DAB1: variants seen among roughly 807,000 people sequenced by gnomAD.
DAB1 encodes the protein disabled homolog 1.
DAB1 carries 15 observed loss-of-function variants against 64.6 expected under a neutral mutation model. That is an observed-to-expected ratio of 0.23 (90% confidence interval 0.16 to 0.36). The LOEUF is 0.36. Among genes scored for constraint, DAB1 ranks in the 10% least tolerant of loss-of-function variants. The probability of loss-of-function intolerance (pLI) is 1.00; values close to 1 mark genes in which losing one functional copy is unlikely to be tolerated. For synonymous variants in DAB1, 235 were observed against 251.9 expected, an observed-to-expected ratio of 0.93 and a Z score of 0.64; for missense variants, 596 against 706.7, an observed-to-expected ratio of 0.84 and a Z score of 1.78.
chr1:58,362,686 A>T (rs188635368), intron 3 of DAB1, among the ~76,000 whole-genome samples: 1 of 152,224 alleles, frequency 6.6e-6, no homozygotes, highest in Non-Finnish European at 1.5e-5. Flanking sequence ...AATGCATTCC[A>T]TCAGTGACAT....
intron 6 of DAB1, among the ~76,000 whole-genome samples, chr1:57,720,262 T>A (rs1443781274): frequency 6.6e-6 from 1 of 152,192 alleles, no homozygotes; most frequent in South Asian, 2.1e-4. Context: ...CATAATCCCA[T>A]TCCCTACTCA....
chr1:57,255,025 A>C (rs1054707226), intron 2 of DAB1, among the ~76,000 whole-genome samples: 18 of 152,162 alleles, frequency 1.2e-4, no homozygotes, highest in Non-Finnish European at 4.4e-5. Context: ...TTTAGTGTTG[A>C]ATCCCCAACA....
intron 9 of DAB1, among the ~76,000 whole-genome samples, chr1:57,059,197 C>T (rs1210216633): frequency 6.6e-6 from 1 of 152,150 alleles, no homozygotes; most frequent in African/African-American, 2.4e-5. Context: ...CTCCTTCAAT[C>T]CTCCAAACAA....
At chr1:57,482,864 T>C (rs1302169784) in intron 7 of DAB1, among the ~76,000 whole-genome samples, 1 of 152,212 alleles carries the variant, frequency 6.6e-6, no homozygotes, top group African/African-American at 2.4e-5. Flanking sequence ...TGCTCACGTT[T>C]ACAGTCTTTC....
At chr1:57,333,293 A>G (rs955989334) in intron 1 of DAB1, among the ~76,000 whole-genome samples, 4 of 152,242 alleles carry the variant, frequency 2.6e-5, no homozygotes, top group Non-Finnish European at 5.9e-5. Flanking sequence ...CTTCACACCT[A>G]GGTTCAAATC....
At chr1:57,252,523 TA>T (rs1426527247) in intron 2 of DAB1, among the ~76,000 whole-genome samples, 3 of 152,138 alleles carry the variant, frequency 2.0e-5, no homozygotes, top group Non-Finnish European at 4.4e-5. Context: ...ATTGTCCTCT[TA>T]AAAAAAGGTT....
chr1:57,182,490 G>A (rs1319336656), intron 2 of DAB1, among the ~76,000 whole-genome samples: 2 of 152,298 alleles, frequency 1.3e-5, no homozygotes, highest in Non-Finnish European at 1.5e-5. Flanking sequence ...GTATCACAAG[G>A]CCCCTTACTG....
chr1:58,455,506 C>T (rs1448549265), intron 3 of DAB1, among the ~76,000 whole-genome samples: 2 of 152,168 alleles, frequency 1.3e-5, no homozygotes, highest in African/African-American at 4.8e-5. Flanking sequence ...GATCAGGAGG[C>T]GGAGAGAGGG....
intron 6 of DAB1, among the ~76,000 whole-genome samples, chr1:57,768,175 T>TAAAAA (rs11413691): frequency 2.1e-5 from 2 of 96,790 alleles, no homozygotes; most frequent in African/African-American, 4.1e-5. Flanking sequence ...AGAATCTGTC[T>TAAAAA]AAAAAAAAAA....
intron 5 of DAB1, among the ~76,000 whole-genome samples, chr1:58,037,603 A>G (rs1056691052): frequency 6.6e-6 from 1 of 152,166 alleles, no homozygotes; most frequent in Non-Finnish European, 1.5e-5. Flanking sequence ...CTGAGGTGGA[A>G]CAGTTTCATC....
intron 4 of DAB1, among the ~76,000 whole-genome samples, chr1:58,299,498 C>G (rs1443754061): frequency 6.6e-6 from 1 of 152,108 alleles, no homozygotes; most frequent in Non-Finnish European, 1.5e-5. Context: ...AGCATAGGTG[C>G]AGAGGTGCAT....
chr1:58,066,536 C>G (rs950268150), intron 5 of DAB1, among the ~76,000 whole-genome samples: 6 of 152,142 alleles, frequency 3.9e-5, no homozygotes, highest in African/African-American at 1.4e-4. Flanking sequence ...TATATTAATT[C>G]TCATAATCTC....
At chr1:57,844,668 G>T (rs12063361) in intron 1 of DAB1, among the ~76,000 whole-genome samples, 2,697 of 152,234 alleles carry the variant, frequency 0.018, 94 homozygotes, top group African/African-American at 0.063. Context: ...AGCTTCATGG[G>T]GCTCCATTGC....
chr1:57,518,174 T>C (rs528980437), intron 7 of DAB1, among the ~76,000 whole-genome samples: 1 of 151,346 alleles, frequency 6.6e-6, no homozygotes, highest in African/African-American at 2.5e-5. Flanking sequence ...GTGCTAAACT[T>C]AATTGTCGTT....
intron 2 of DAB1, among the ~76,000 whole-genome samples, chr1:57,241,950 T>C (rs1449743912): frequency 6.6e-6 from 1 of 152,214 alleles, no homozygotes; most frequent in African/African-American, 2.4e-5. Context: ...TGTCAGTGAC[T>C]TCAGTCACAG....
chr1:57,742,596 G>A (rs960363729), intron 6 of DAB1, among the ~76,000 whole-genome samples: 2 of 152,070 alleles, frequency 1.3e-5, no homozygotes, highest in Non-Finnish European at 2.9e-5. Flanking sequence ...GCCTACAGAC[G>A]GGAAATTTCT....
chr1:57,264,505 G>A (rs552745234), intron 2 of DAB1, among the ~76,000 whole-genome samples: 14 of 152,284 alleles, frequency 9.2e-5, no homozygotes, highest in African/African-American at 3.1e-4. Flanking sequence ...TACAATTTCC[G>A]CATACATAGC....
intron 5 of DAB1, among the ~76,000 whole-genome samples, chr1:58,100,177 A>C (rs757877094): frequency 6.6e-6 from 1 of 152,226 alleles, no homozygotes; most frequent in Non-Finnish European, 1.5e-5. Context: ...ACCTTTCACC[A>C]CTATTCATAT....
intron 4 of DAB1, among the ~76,000 whole-genome samples, chr1:58,339,522 T>C (rs891825656): frequency 1.8e-4 from 28 of 152,080 alleles, no homozygotes; most frequent in African/African-American, 6.8e-4. Flanking sequence ...CAGAGGATAG[T>C]GGAATATAGA....
Sources: allele counts gnomAD v4.1 joint callset (sites outside exome capture counted in the v4.1 genomes callset), GRCh38; gene constraint gnomAD v4.1.1; transcripts MANE v1.5; gene names NCBI Gene and HGNC (gene_info 2026-07-23, HGNC 2026-07-21).